TMEM87A: variants seen among roughly 807,000 people sequenced by gnomAD.
TMEM87A encodes the protein Golgi-pH regulating cation channel.
TMEM87A carries 50 observed loss-of-function variants against 90.0 expected under a neutral mutation model. The ratio of observed to expected loss-of-function variants is 0.56; its 90% confidence interval spans 0.44 to 0.70. The LOEUF (loss-of-function observed/expected upper bound fraction) is 0.70, where lower values mean the gene tolerates loss of function less well. Among genes scored for constraint, TMEM87A ranks in the 30% least tolerant of loss-of-function variants. The pLI is 0.00. For synonymous variants in TMEM87A, 226 were observed against 226.7 expected (o/e 1.00, Z 0.03); for missense variants, 577 against 660.5 (o/e 0.87, Z 1.39).
At chr15:42,217,910 T>A in intron 18 of TMEM87A, 77 bp from the exon 19 acceptor site, 1 of 1,419,326 alleles carries the variant, frequency 7.0e-7, no homozygotes, top group Non-Finnish European at 9.7e-7. Flanking sequence ...AATGGAATAA[T>A]GCAATTAAAA....
At chr15:42,247,201 G>A (rs902407916) in intron 6 of TMEM87A, among the ~76,000 whole-genome samples, 4 of 152,064 alleles carry the variant, frequency 2.6e-5, no homozygotes, top group Admixed American at 6.6e-5. Context: ...GCCCTTTGTC[G>A]GATGGGTGAA....
intron 3 of TMEM87A, among the ~76,000 whole-genome samples, chr15:42,265,394 T>C (rs964948417): frequency 6.6e-6 from 1 of 152,172 alleles, no homozygotes; most frequent in East Asian, 1.9e-4. Flanking sequence ...TTTCTCATAA[T>C]AGCCATTCTG....
At position 42,211,352 on chromosome 15, in the gene TMEM87A, A is replaced by G; in HGVS notation, c.*356T>C. On this transcript the variant is annotated 3_prime_UTR_variant, in exon 20 of 20. Coordinates refer to ENST00000389834, the MANE Select transcript of TMEM87A (RefSeq NM_015497.5). ...GATTACATATTATGGTGTTGATGAC[A>G]ATCTTTTAGAAGACGTTAAACTTTT... is the stretch of plus-strand genomic sequence containing the variant. 1 of 182,236 alleles carries G rather than the reference A, an allele frequency of 5.5e-6. No individual in the cohort carries two copies. The highest frequency in any genetic ancestry group is 1.2e-5 in the Non-Finnish European group (1 of 86,880). The allele number at this position is 182,236 out of a possible 1,614,324, so 11.3% of individuals were successfully genotyped here. A position where few individuals can be genotyped will look rare whatever the true frequency, so the allele number is the denominator to read the frequency against.
chr15:42,236,256 G>T, intron 10 of TMEM87A, 64 bp downstream of exon 10: 1 of 1,297,354 alleles, frequency 7.7e-7, no homozygotes, highest in Non-Finnish European at 1.1e-6. Context: ...TTGGGAACAT[G>T]CAATACTGTT....
At chr15:42,267,146 A>G (rs2051423082) in intron 3 of TMEM87A, among the ~76,000 whole-genome samples, 1 of 152,264 alleles carries the variant, frequency 6.6e-6, no homozygotes, top group African/African-American at 2.4e-5. Context: ...GGGTATAGTT[A>G]TAAACAATGT....
chr15:42,252,955 T>G (rs915052904), intron 6 of TMEM87A, among the ~76,000 whole-genome samples: 27 of 152,364 alleles, frequency 1.8e-4, no homozygotes, highest in African/African-American at 6.3e-4. Flanking sequence ...AATAATAATA[T>G]GGGTTATGTC....
intron 1 of TMEM87A, 119 bp downstream of exon 1, chr15:42,273,136 A>C: frequency 7.6e-7 from 1 of 1,313,638 alleles, no homozygotes; most frequent in Non-Finnish European, 1.1e-6. Context: ...CACACAGACC[A>C]TCCCAGCAAC....
chr15:42,260,565 C>T (rs1483031546), intron 6 of TMEM87A, among the ~76,000 whole-genome samples: 1 of 152,132 alleles, frequency 6.6e-6, no homozygotes, highest in Non-Finnish European at 1.5e-5. Context: ...CCATACAATG[C>T]ATATTTATGA....
chr15:42,243,269 A>AAAAT lies in TMEM87A; in HGVS notation c.622+777_622+780dup, dbSNP rs1204941803. On this transcript the variant is annotated intron_variant, in intron 7 of 19. Coordinates refer to ENST00000389834, the MANE Select transcript of TMEM87A (RefSeq NM_015497.5). Reference sequence around the variant, plus strand: ...GGCGACAGAGTGAGATTCCATCTCAAAAATAAATAAATAAATAAATAAATA... The same window carrying AAAAT: ...GGCGACAGAGTGAGATTCCATCTCAAAAATAAATAAATAAATAAATAAATAAATA... Among the ~76,000 whole-genome samples the AAAAT allele has an allele frequency of 7.3e-3, 863 of 117,586 alleles. 20 individuals carry two copies. The highest frequency in any genetic ancestry group is 0.045 in the Admixed American group (471 of 10,416). The allele number at this position is 117,586 out of a possible 152,430, so 77.1% of individuals were successfully genotyped here.
At chr15:42,273,038 T>C in intron 1 of TMEM87A, 6 of 677,056 alleles carry the variant, frequency 8.9e-6, no homozygotes, top group Non-Finnish European at 1.6e-5. Context: ...CTCCTTTCTG[T>C]TGCTGAAGTG....
chr15:42,247,764 A>G (rs1308994676), intron 6 of TMEM87A, among the ~76,000 whole-genome samples: 1 of 152,140 alleles, frequency 6.6e-6, no homozygotes, highest in Non-Finnish European at 1.5e-5. Context: ...TGTCTTGGCA[A>G]TGTGGGCTCT....
At chr15:42,261,366 A>G in intron 4 of TMEM87A, 117 bp from the exon 5 acceptor site, 3 of 692,032 alleles carry the variant, frequency 4.3e-6, no homozygotes, top group South Asian at 2.5e-5. Flanking sequence ...AGTAAATATA[A>G]TAACACAGCA....
At chr15:42,231,099 A>G in intron 12 of TMEM87A, 93 bp downstream of exon 12, 2 of 1,254,720 alleles carry the variant, frequency 1.6e-6, no homozygotes. Flanking sequence ...GTAATTAACA[A>G]AACTGATAAA....
chr15:42,216,151 C>T (rs1679096401), intron 19 of TMEM87A, among the ~76,000 whole-genome samples: 1 of 152,266 alleles, frequency 6.6e-6, no homozygotes, highest in Non-Finnish European at 1.5e-5. Context: ...ACAAATGCTG[C>T]ATGATTCCAC....
intron 6 of TMEM87A, among the ~76,000 whole-genome samples, chr15:42,252,204 GGGTGA>G: frequency 6.6e-6 from 1 of 152,344 alleles, no homozygotes; most frequent in East Asian, 1.9e-4. Flanking sequence ...TGCGCTTCCT[GGGTGA>G]GGTGATGTCC....
chr15:42,234,203 G>A (rs1178731172), intron 10 of TMEM87A, among the ~76,000 whole-genome samples: 2 of 152,050 alleles, frequency 1.3e-5, no homozygotes, highest in Non-Finnish European at 2.9e-5. Flanking sequence ...TTGCAAGCTC[G>A]AAACCTAATA....
chr15:42,214,371 A>T (rs1190396720), intron 19 of TMEM87A, among the ~76,000 whole-genome samples: 1 of 152,258 alleles, frequency 6.6e-6, no homozygotes, highest in Non-Finnish European at 1.5e-5. Context: ...AAAGCCAAAG[A>T]CATGACAAGA....
intron 3 of TMEM87A, among the ~76,000 whole-genome samples, chr15:42,264,699 A>ATTTT (rs1555409717): frequency 4.8e-4 from 52 of 109,434 alleles, no homozygotes; most frequent in African/African-American, 9.8e-4. Context: ...ATATATATAT[A>ATTTT]TTTTTTTTTT....
chr15:42,251,526 G>C (rs1299559868), intron 6 of TMEM87A, among the ~76,000 whole-genome samples: 1 of 152,164 alleles, frequency 6.6e-6, no homozygotes, highest in Non-Finnish European at 1.5e-5. Flanking sequence ...GTTGGAGTTT[G>C]CTGGAGGTCC....
Sources: allele counts gnomAD v4.1 joint callset (sites outside exome capture counted in the v4.1 genomes callset), GRCh38; gene constraint gnomAD v4.1.1; transcripts MANE v1.5; gene names NCBI Gene and HGNC (gene_info 2026-07-23, HGNC 2026-07-21).